The following AATK variants were observed in gnomAD, a reference collection of about 807,000 sequenced individuals.
AATK encodes the protein serine/threonine-protein kinase LMTK1.
AATK carries 91 observed loss-of-function variants against 114.3 expected under a neutral mutation model. The ratio of observed to expected loss-of-function variants is 0.80; its 90% CI spans 0.67 to 0.95. AATK has a LOEUF of 0.95. Ranked by LOEUF, AATK falls within the 40% of genes least tolerant of loss-of-function variation. The probability of loss-of-function intolerance (pLI) is 0.00; values close to 1 mark genes in which losing one functional copy is unlikely to be tolerated. For missense variants in AATK, 2,176 were observed against 1,965.2 expected, an observed-to-expected ratio of 1.11 and a Z score of -2.03; for synonymous variants, 1,075 against 916.5, an observed-to-expected ratio of 1.17 and a Z score of -3.12.
rs751487460 is a variant in AATK at position 81,120,505 on chromosome 17, C to T, written c.3431G>A (p.Arg1144His). Residue 1144 changes from arginine to histidine, a missense_variant, in exon 11 of 14, where the codon CGC becomes CAC. Transcript: ENST00000326724. The stretch of plus-strand genomic sequence containing the variant: ...CGCAGGGAGGCCGGGCAGAGCCAGG[C>T]GGAGTGGGGCTCTGGGGGTGCCTGG... Reference protein sequence around the residue: ...GGPGTPRAPLRLALPGLPAAL... With the variant: ...GGPGTPRAPLHLALPGLPAAL... The T allele has an allele frequency of 7.4e-6, 11 of 1,490,980 alleles. No individual in the cohort carries two copies. Among genetic ancestry groups the T allele is most frequent in the Middle Eastern group, 1.8e-4 (1 of 5,638 alleles). 92.4% of individuals were successfully genotyped at this position (1,490,980 alleles called of 1,614,324 possible). A position where few individuals can be genotyped will look rare whatever the true frequency, so the allele number is the denominator to read the frequency against.
chr17:81,120,167 A>C, intron 11 of AATK, 34 bp downstream of exon 11: 1 of 1,534,054 alleles, frequency 6.5e-7, no homozygotes, highest in Admixed American at 2.0e-5. Flanking sequence ...CGCGACCCCC[A>C]GCCCCGGGCA....
At chr17:81,128,769 G>C in intron 3 of AATK, 1 of 1,360,224 alleles carries the variant, frequency 7.4e-7, no homozygotes, top group Non-Finnish European at 9.5e-7. Flanking sequence ...GGATCCATCC[G>C]GGCATCTTTC....
intron 4 of AATK, 112 bp downstream of exon 4, chr17:81,128,357 GA>G: frequency 7.6e-7 from 1 of 1,311,594 alleles, no homozygotes; most frequent in Non-Finnish European, 1.1e-6. Context: ...AGGGCCCAGA[GA>G]CTGAAGAAGG....
chr17:81,125,811 A>AGTGGG lies in AATK; in HGVS notation c.755+611_755+615dup, dbSNP rs2060807566. On this transcript the variant is annotated intron_variant, in intron 7 of 13. Coordinates refer to ENST00000326724, the MANE Select transcript of AATK (RefSeq NM_001080395.3). ...CATGTGTCCTGGGCCTAGGGGGTGG[A>AGTGGG]GTGGGGTGGGTTGGGGTTGGGGGCA... The AGTGGG allele has an allele frequency of 1.8e-5, 5 of 276,862 alleles. No homozygotes were observed. The African/African-American group carries it at 3.2e-4, about 18-fold the overall frequency. The allele number at this position is 276,862 out of a possible 1,614,324, so 17.2% of individuals were successfully genotyped here. A position where few individuals can be genotyped will look rare whatever the true frequency, so the allele number is the denominator to read the frequency against.
In AATK at chr17:81,125,029, AG is replaced by A; in HGVS notation, c.756-16del. The A allele has an allele frequency of 8.0e-7, 1 of 1,256,036 alleles. No homozygotes were observed. The allele number at this position is 1,256,036 out of a possible 1,614,324, so 77.8% of individuals were successfully genotyped here. On this transcript the variant is annotated splice_polypyrimidine_tract_variant and intron_variant, in intron 7 of 13. Transcript: ENST00000326724. ...GGGCCAGGTCGCTGCAGGCAGGGGC[AG>A]GGGCAGGGGCAGGGTGAGCAGGGTG...
At position 81,122,660 on chromosome 17, in the gene AATK, G is replaced by GC; in HGVS notation, c.1275dup (p.Pro426AlafsTer53). The GC allele has an allele frequency of 6.7e-7, 1 of 1,498,612 alleles. No homozygotes were observed. The highest frequency in any genetic ancestry group is 8.9e-7 in the Non-Finnish European group (1 of 1,120,390). The allele number at this position is 1,498,612 out of a possible 1,614,324, so 92.8% of individuals were successfully genotyped here. A position where few individuals can be genotyped will look rare whatever the true frequency, so the allele number is the denominator to read the frequency against. On this transcript the variant is annotated frameshift_variant, in exon 11 of 14. Transcript: ENST00000326724. LOFTEE classifies it high-confidence loss of function. The stretch of plus-strand genomic sequence containing the variant: ...ATGGGCCCCGCCGCACCGGGCCCGG[G>GC]CCCCACGCCGCCCCCGCCGGGCCGC...
rs1447278098 is a variant in AATK at position 81,128,657 on chromosome 17, C to A, written c.335-108G>T. 3 of 1,516,596 alleles carry A rather than the reference C, an allele frequency of 2.0e-6. No homozygotes were observed. The African/African-American group carries it at 4.2e-5, about 21-fold the overall frequency. The allele number at this position is 1,516,596 out of a possible 1,614,324, so 93.9% of individuals were successfully genotyped here. On this transcript the variant is annotated intron_variant, in intron 3 of 13. Coordinates refer to ENST00000326724, the MANE Select transcript of AATK (RefSeq NM_001080395.3). ...CGCTTGGCCTTTTCTGGGAAACTGT[C>A]CTGAGTCCCTAGCACCAGCTGGCAA... is the stretch of plus-strand genomic sequence containing the variant.
chr17:81,131,724 T>C (rs946169445), intron 2 of AATK, among the ~76,000 whole-genome samples: 1 of 152,146 alleles, frequency 6.6e-6, no homozygotes, highest in Non-Finnish European at 1.5e-5. Flanking sequence ...CACCCCGGGC[T>C]GTGCCTGGGG....
Position 81,122,531 on chromosome 17 carries a change from T to C in AATK, c.1405A>G (p.Thr469Ala), listed in dbSNP as rs781102582. Residue 469 changes from threonine to alanine, a missense_variant, in exon 11 of 14, where the codon ACC (threonine) becomes GCC (alanine). This residue lies in a region of AATK where 1,701 missense variants were observed against 1,394.7 expected (regional missense o/e 1.22). Coordinates refer to ENST00000326724, the MANE Select transcript of AATK (RefSeq NM_001080395.3). ...AAATTGAGGCCTCGGCTGGTCTCGG[T>C]CACCGTCAGCACGTCGTCGCCGTCC... The part of the protein sequence containing the change: ...HADGDDVLTV[T>A]ETSRGLNFEY... The C allele has an allele frequency of 6.7e-7, 1 of 1,481,702 alleles. No homozygotes were observed. Among genetic ancestry groups the C allele is most frequent in the Non-Finnish European group, 9.0e-7 (1 of 1,112,180 alleles). 91.8% of individuals were successfully genotyped at this position (1,481,702 alleles called of 1,614,324 possible). A position where few individuals can be genotyped will look rare whatever the true frequency, so the allele number is the denominator to read the frequency against.
chr17:81,144,643 T>C (rs2061190394), intron 1 of AATK, among the ~76,000 whole-genome samples: 1 of 152,246 alleles, frequency 6.6e-6, no homozygotes, highest in Non-Finnish European at 1.5e-5. Context: ...GCCTTCACTG[T>C]TACTAAAGCT....
chr17:81,138,096 G>A (rs567464196), intron 1 of AATK, among the ~76,000 whole-genome samples: 10 of 136,540 alleles, frequency 7.3e-5, no homozygotes, highest in South Asian at 2.4e-4. Context: ...GCACACACGC[G>A]GACACATACG....
At position 81,121,437 on chromosome 17, in the gene AATK, G is replaced by C. The variant is rs368811572; in HGVS notation, c.2499C>G (p.Gly833=). ...AAGCCAGCTTGATGGCAGACACCTC[G>C]CCACCAGTAGCAGGCGTGGGAGAGT... ...LPDSPTPATG[G]EVSAIKLASA... Residue 833 remains glycine (G), a synonymous_variant, in exon 11 of 14, where the codon GGC becomes GGG. Coordinates refer to ENST00000326724, the MANE Select transcript of AATK (RefSeq NM_001080395.3). The C allele has an allele frequency of 5.6e-5, 90 of 1,599,786 alleles. No homozygotes were observed. Among genetic ancestry groups the C allele is most frequent in the Non-Finnish European group, 7.4e-5 (87 of 1,173,426 alleles).
intron 2 of AATK, chr17:81,132,627 T>C: frequency 3.7e-6 from 1 of 271,478 alleles, no homozygotes; most frequent in South Asian, 2.9e-5. Context: ...TGTCTCTCCC[T>C]GGGGTCGGGC....
chr17:81,156,929 C>CG (rs34696583), intron 1 of AATK, among the ~76,000 whole-genome samples: 122,221 of 151,890 alleles, frequency 0.8, 49,246 homozygotes, highest in East Asian at 0.85. Context: ...GGGCCCTGGG[C>CG]GGGGTACGGC....
At chr17:81,157,786 C>A (rs1598222259) in intron 1 of AATK, among the ~76,000 whole-genome samples, 2 of 152,342 alleles carry the variant, frequency 1.3e-5, no homozygotes, top group African/African-American at 4.8e-5. Flanking sequence ...AGTGGAGAAG[C>A]CTCCAAGGGG....
rs1028783429 is a variant in AATK at position 81,123,110 on chromosome 17, G to C, written c.1112+84C>G. 7 of 1,343,470 alleles carry C rather than the reference G, an allele frequency of 5.2e-6. No homozygotes were observed. In the African/African-American group the frequency reaches 7.6e-5, roughly 15 times the overall value. 83.2% of individuals were successfully genotyped at this position (1,343,470 alleles called of 1,614,324 possible). On this transcript the variant is annotated intron_variant, in intron 10 of 13. Transcript: ENST00000326724. ...GACCAGGCAGGGCTGGAACGCCAGG[G>C]GGTCAGGGTGAGCCGCCTCTGCCTG... is the stretch of plus-strand genomic sequence containing the variant.
intron 9 of AATK, among the ~76,000 whole-genome samples, chr17:81,123,822 C>T (rs1271675769): frequency 6.6e-6 from 1 of 151,816 alleles, no homozygotes; most frequent in African/African-American, 2.4e-5. Context: ...ACAGAGCGTG[C>T]AGGCGGGTAG....
Position 81,122,108 on chromosome 17 carries a change from G to A in AATK, c.1828C>T (p.Pro610Ser), listed in dbSNP as rs748500719. 40 of 1,565,470 alleles carry A rather than the reference G, an allele frequency of 2.6e-5. No homozygotes were observed. The East Asian group carries it at 7.9e-4, about 31-fold the overall frequency. The change falls in exon 11 of 14, where the codon CCC (proline) becomes TCC (serine). Residue 610 changes from proline to serine, a missense_variant. Around this residue, in one of 4 missense-constraint regions of AATK, gnomAD observed 1,701 missense variants for 1,394.7 expected, o/e 1.22. Coordinates refer to ENST00000326724, the MANE Select transcript of AATK (RefSeq NM_001080395.3). ...CTCAGGGGCCCCGCCGAGGGCGAGG[G>A]AGAGCGTGAGGGGCAGAGCGGGTCC... ...ARDPLCPSRS[P>S]SPSAGPLSLA...
At chr17:81,119,139 G>A (rs1260213225) in intron 13 of AATK, among the ~76,000 whole-genome samples, 1 of 90,610 alleles carries the variant, frequency 1.1e-5, no homozygotes, top group Non-Finnish European at 2.2e-5. Context: ...CCAGGTGAGG[G>A]CCAGGTGAGG....
Sources: allele counts gnomAD v4.1 joint callset (sites outside exome capture counted in the v4.1 genomes callset), GRCh38; gene constraint gnomAD v4.1.1; regional missense constraint gnomAD v4.1.1; transcripts MANE v1.5; gene names NCBI Gene and HGNC (gene_info 2026-07-23, HGNC 2026-07-21).